Variants in MOB3B observed in about 807,000 individuals in gnomAD.
The protein encoded by MOB3B is MOB kinase activator 3B.
A neutral mutation model predicts 18.7 loss-of-function variants in MOB3B; 7 were observed. The ratio of observed to expected loss-of-function variants is 0.37; its 90% CI spans 0.21 to 0.70. The LOEUF (loss-of-function observed/expected upper bound fraction) is 0.70, where lower values mean the gene tolerates loss of function less well. MOB3B is among the 30% of genes least tolerant of loss of function. MOB3B has a pLI of 0.52. For missense variants in MOB3B, 253 were observed against 281.3 expected (o/e 0.90, Z 0.72); for synonymous variants, 111 against 99.9 (o/e 1.11, Z -0.66).
chr9:27,481,729 G>T (rs1467921720), intron 1 of MOB3B, among the ~76,000 whole-genome samples: 1 of 151,942 alleles, frequency 6.6e-6, no homozygotes, highest in Admixed American at 6.6e-5. Flanking sequence ...GTTTCACTGT[G>T]TTAGCCAGGA....
chr9:27,360,962 C>T (rs1312309885), intron 2 of MOB3B, among the ~76,000 whole-genome samples: 2 of 152,064 alleles, frequency 1.3e-5, no homozygotes, highest in East Asian at 3.9e-4. Context: ...TTATGGGCTG[C>T]TTTCTCAGTG....
chr9:27,358,947 G>T, intron 3 of MOB3B, 87 bp downstream of exon 3: 1 of 1,348,836 alleles, frequency 7.4e-7, no homozygotes, highest in Non-Finnish European at 1.1e-6. Flanking sequence ...CCATCAATGA[G>T]CATTTTCCAG....
intron 2 of MOB3B, among the ~76,000 whole-genome samples, chr9:27,413,844 T>G (rs997061565): frequency 6.6e-6 from 1 of 152,120 alleles, no homozygotes; most frequent in Non-Finnish European, 1.5e-5. Flanking sequence ...AGAAGCAGAT[T>G]TGGTGTAGGG....
intron 3 of MOB3B, among the ~76,000 whole-genome samples, chr9:27,334,868 G>C (rs1313684018): frequency 1.3e-5 from 2 of 151,882 alleles, no homozygotes; most frequent in East Asian, 3.9e-4. Context: ...TGTTCCCCCA[G>C]GCTGGAGCGC....
intron 2 of MOB3B, among the ~76,000 whole-genome samples, chr9:27,395,783 AGG>A (rs1821789328): frequency 6.6e-6 from 1 of 152,216 alleles, no homozygotes; most frequent in South Asian, 2.1e-4. Flanking sequence ...GGGCTGAGTC[AGG>A]CTCAGCCTGA....
intron 2 of MOB3B, among the ~76,000 whole-genome samples, chr9:27,370,162 G>A (rs1821395347): frequency 6.6e-6 from 1 of 152,054 alleles, no homozygotes; most frequent in Admixed American, 6.5e-5. Flanking sequence ...GCCTTTGGGA[G>A]GTGATTAGGT....
chr9:27,354,701 A>G (rs1272542807), intron 3 of MOB3B, among the ~76,000 whole-genome samples: 1 of 152,242 alleles, frequency 6.6e-6, no homozygotes, highest in Non-Finnish European at 1.5e-5. Flanking sequence ...TTTATTAGGT[A>G]CCAGGAACCC....
At chr9:27,335,971 A>T (rs1028508018) in intron 3 of MOB3B, among the ~76,000 whole-genome samples, 20 of 152,200 alleles carry the variant, frequency 1.3e-4, no homozygotes, top group African/African-American at 4.6e-4. Context: ...AACATATTAA[A>T]TTAAACTGAA....
chr9:27,440,305 A>G (rs1822573432), intron 2 of MOB3B, among the ~76,000 whole-genome samples: 1 of 152,156 alleles, frequency 6.6e-6, no homozygotes, highest in Non-Finnish European at 1.5e-5. Flanking sequence ...GCTGAATTCA[A>G]TTATCTATGT....
chr9:27,433,996 G>A (rs1822455906), intron 2 of MOB3B, among the ~76,000 whole-genome samples: 1 of 152,172 alleles, frequency 6.6e-6, no homozygotes, highest in Non-Finnish European at 1.5e-5. Flanking sequence ...CCAGCATCAT[G>A]AGGGAATGGA....
At chr9:27,433,894 C>G (rs991814451) in intron 2 of MOB3B, among the ~76,000 whole-genome samples, 4 of 152,120 alleles carry the variant, frequency 2.6e-5, no homozygotes, top group African/African-American at 9.7e-5. Context: ...TAAATCAAAG[C>G]TCTTTTGGTT....
At chr9:27,391,130 C>T (rs1253157768) in intron 2 of MOB3B, among the ~76,000 whole-genome samples, 1 of 152,174 alleles carries the variant, frequency 6.6e-6, no homozygotes, top group East Asian at 1.9e-4. Context: ...AAGGCATGAA[C>T]CCTTTACTCA....
intron 3 of MOB3B, among the ~76,000 whole-genome samples, chr9:27,342,891 G>T (rs868272529): frequency 6.7e-6 from 1 of 149,628 alleles, no homozygotes; most frequent in Non-Finnish European, 1.5e-5. Context: ...CCGCCACCCC[G>T]TCTGGGAAGT....
chr9:27,499,629 C>T (rs2492812), intron 1 of MOB3B, among the ~76,000 whole-genome samples: 2 of 151,948 alleles, frequency 1.3e-5, no homozygotes, highest in Non-Finnish European at 2.9e-5. Flanking sequence ...TTTACTAATT[C>T]GCTTTCCACA....
intron 2 of MOB3B, among the ~76,000 whole-genome samples, chr9:27,388,580 G>A (rs1454880201): frequency 6.6e-6 from 1 of 152,048 alleles, no homozygotes; most frequent in African/African-American, 2.4e-5. Flanking sequence ...AGTGTACACT[G>A]TACCCAAGGT....
intron 1 of MOB3B, among the ~76,000 whole-genome samples, chr9:27,511,910 C>T (rs1447462053): frequency 2.0e-5 from 3 of 152,176 alleles, no homozygotes; most frequent in Admixed American, 2.0e-4. Context: ...CCCTCTCCTT[C>T]CTGGGCACCT....
rs570130417 is a variant in MOB3B at position 27,529,686 on chromosome 9, G to C, written c.-330C>G. 36 of 985,298 alleles carry C rather than the reference G, an allele frequency of 3.7e-5. No homozygotes were observed. Among genetic ancestry groups the C allele is most frequent in the Admixed American group, 6.1e-5 (1 of 16,262 alleles). 61.0% of individuals were successfully genotyped at this position (985,298 alleles called of 1,614,324 possible). ...GCCAATCCACGCAAGGGACTCTGCC[G>C]CCGGTGCGCGAGGTCCCGGCGAGCC... On this transcript the variant is annotated 5_prime_UTR_variant, in exon 1 of 4. Coordinates refer to ENST00000262244, the MANE Select transcript of MOB3B (RefSeq NM_024761.5).
chr9:27,504,248 T>C (rs914191343), intron 1 of MOB3B, among the ~76,000 whole-genome samples: 7 of 152,240 alleles, frequency 4.6e-5, no homozygotes, highest in African/African-American at 1.7e-4. Flanking sequence ...AGTCCAGTGA[T>C]AACAATGCTA....
chr9:27,517,646 T>TCA (rs1820257667), intron 1 of MOB3B, among the ~76,000 whole-genome samples: 1 of 2,284 alleles, frequency 4.4e-4, no homozygotes, highest in Admixed American at 5.6e-3. Flanking sequence ...AGACTCTGTC[T>TCA]CAAAAAAAAA....
Sources: gnomAD v4.1 joint callset for allele counts (sites outside exome capture counted in the v4.1 genomes callset) on GRCh38, gnomAD v4.1.1 for gene constraint, MANE v1.5 for transcripts, NCBI Gene and HGNC (gene_info 2026-07-23, HGNC 2026-07-21) for gene names.